SH3GL1: variants seen among roughly 807,000 people sequenced by gnomAD.
SH3GL1 encodes SH3 domain containing GRB2 like 1, endophilin A2.
In SH3GL1, 21 loss-of-function variants were observed where a neutral mutation model predicts 48.8. The observed-to-expected ratio is 0.43, with a 90% CI of 0.30 to 0.62. The LOEUF (loss-of-function observed/expected upper bound fraction) is 0.62. Among genes scored for constraint, SH3GL1 ranks in the 20% least tolerant of loss-of-function variants. The pLI is 0.11. For synonymous variants in SH3GL1, 282 were observed against 217.5 expected (o/e 1.30, Z -2.61); for missense variants, 454 against 503.0 (o/e 0.90, Z 0.93).
chr19:4,365,820 G>C (rs956223213), intron 3 of SH3GL1, among the ~76,000 whole-genome samples, 195 bp from the exon 4 acceptor site: 13 of 152,210 alleles, frequency 8.5e-5, no homozygotes, highest in Admixed American at 5.2e-4. Flanking sequence ...GCAGCGGGTG[G>C]AGAGGTGACC....
intron 1 of SH3GL1, among the ~76,000 whole-genome samples, chr19:4,392,970 A>G (rs543756206): frequency 4.6e-5 from 7 of 152,332 alleles, no homozygotes; most frequent in East Asian, 1.9e-4. Flanking sequence ...TTAAAAAATC[A>G]TAACAACCCG....
chr19:4,365,403 A>G, intron 4 of SH3GL1, 79 bp downstream of exon 4: 1 of 1,584,310 alleles, frequency 6.3e-7, no homozygotes. Flanking sequence ...CAGCACATGC[A>G]GGGCCTGGAC....
intron 1 of SH3GL1, among the ~76,000 whole-genome samples, chr19:4,377,235 C>G (rs1245843796): frequency 6.6e-6 from 1 of 152,088 alleles, no homozygotes; most frequent in African/African-American, 2.4e-5. Flanking sequence ...GGAACAGTGA[C>G]AGGTCTGAGG....
intron 1 of SH3GL1, among the ~76,000 whole-genome samples, chr19:4,368,715 C>T (rs1214714630): frequency 6.6e-6 from 1 of 152,208 alleles, no homozygotes; most frequent in East Asian, 1.9e-4. Context: ...ACCCCTGTCC[C>T]TTTCCTGCCT....
intron 9 of SH3GL1, 65 bp downstream of exon 9, chr19:4,362,264 G>A (rs970327400): frequency 1.3e-6 from 2 of 1,498,954 alleles, no homozygotes; most frequent in Non-Finnish European, 9.2e-7. Flanking sequence ...GGCGGGAGGA[G>A]AAACACCCTC....
intron 8 of SH3GL1, 43 bp downstream of exon 8, chr19:4,362,569 C>T (rs1376123100): frequency 1.2e-6 from 2 of 1,611,342 alleles, no homozygotes; most frequent in Admixed American, 1.7e-5. Context: ...CCACTCCCAC[C>T]CGCTGGCATT....
chr19:4,361,905 C>G, intron 9 of SH3GL1, 109 bp from the exon 10 acceptor site: 3 of 792,572 alleles, frequency 3.8e-6, no homozygotes, highest in African/African-American at 1.7e-5. Flanking sequence ...ATGGGCCTCC[C>G]CTCTGCCCTG....
chr19:4,381,465 T>C (rs541422880), intron 1 of SH3GL1, among the ~76,000 whole-genome samples: 48 of 99,242 alleles, frequency 4.8e-4, no homozygotes, highest in African/African-American at 1.8e-3. Flanking sequence ...CTGTCTCCCA[T>C]CTCTCTGTCC....
intron 1 of SH3GL1, among the ~76,000 whole-genome samples, chr19:4,398,831 C>T (rs1269495603): frequency 1.3e-5 from 2 of 152,160 alleles, no homozygotes; most frequent in South Asian, 2.1e-4. Context: ...TGCACTTAGG[C>T]TGGGATGCAG....
At chr19:4,385,574 A>T (rs1157873920) in intron 1 of SH3GL1, among the ~76,000 whole-genome samples, 1 of 152,078 alleles carries the variant, frequency 6.6e-6, no homozygotes, top group Non-Finnish European at 1.5e-5. Context: ...CCGGGCCCCA[A>T]AGACCCTCCC....
chr19:4,392,701 C>T (rs1401265914), intron 1 of SH3GL1, among the ~76,000 whole-genome samples: 1 of 152,130 alleles, frequency 6.6e-6, no homozygotes, highest in Admixed American at 6.5e-5. Context: ...AATCCCAGCA[C>T]AATGGGAGGC....
intron 6 of SH3GL1, 21 bp from the exon 7 acceptor site, chr19:4,363,494 A>G (rs1718904130): frequency 1.3e-6 from 2 of 1,598,212 alleles, no homozygotes; most frequent in Admixed American, 1.7e-5. Flanking sequence ...AGTAGGGCTC[A>G]GGGGCTCCTG....
chr19:4,388,148 C>T (rs553361958), intron 1 of SH3GL1, among the ~76,000 whole-genome samples: 14 of 152,108 alleles, frequency 9.2e-5, no homozygotes, highest in African/African-American at 1.2e-4. Context: ...TGTGAGCCAT[C>T]GTGTCCGGCC....
At chr19:4,363,913 C>G in intron 5 of SH3GL1, 35 bp from the exon 6 acceptor site, 1 of 1,611,334 alleles carries the variant, frequency 6.2e-7, no homozygotes, top group Non-Finnish European at 8.5e-7. Flanking sequence ...ACACCAGTAG[C>G]GGCCAGAGGG....
chr19:4,372,343 A>C (rs1486280881), intron 1 of SH3GL1, among the ~76,000 whole-genome samples: 1 of 152,164 alleles, frequency 6.6e-6, no homozygotes, highest in Non-Finnish European at 1.5e-5. Context: ...GACGTGGAGG[A>C]GGCGAGTGCT....
At chr19:4,396,003 C>G (rs373796481) in intron 1 of SH3GL1, 2 of 151,938 alleles carry the variant, frequency 1.3e-5, no homozygotes, top group African/African-American at 4.8e-5. Context: ...TCTAGCTCCC[C>G]CCTAAAAAAG....
Position 4,360,736 on chromosome 19 carries a change from G to A in SH3GL1, c.*864C>T, listed in dbSNP as rs922798230. Reference sequence around the variant, plus strand: ...CTGGCCACCAGGGGCTGGGACATGCGCTCACTGGAACCTTTGTGCTTGGCC... The same window carrying A: ...CTGGCCACCAGGGGCTGGGACATGCACTCACTGGAACCTTTGTGCTTGGCC... On this transcript the variant is annotated 3_prime_UTR_variant, in exon 10 of 10. Coordinates refer to ENST00000269886, the MANE Select transcript of SH3GL1 (RefSeq NM_003025.4). 7 of 233,450 alleles carry A rather than the reference G, an allele frequency of 3.0e-5. No homozygotes were observed. The highest frequency in any genetic ancestry group is 1.1e-4 in the African/African-American group (5 of 45,328). 14.5% of individuals were successfully genotyped at this position (233,450 alleles called of 1,614,324 possible).
chr19:4,396,697 G>C (rs966078529), intron 1 of SH3GL1, among the ~76,000 whole-genome samples: 2 of 151,912 alleles, frequency 1.3e-5, no homozygotes, highest in Non-Finnish European at 2.9e-5. Context: ...TCAAATTTTG[G>C]TACTATTGAC....
Position 4,362,351 on chromosome 19 carries a change from G to A in SH3GL1, c.888C>T (p.Ile296=), listed in dbSNP as rs765879947. 5.6e-6 allele frequency: 9 copies of A among 1,612,282 alleles called. No individual in the cohort carries two copies. In the African/African-American group the frequency reaches 9.3e-5, roughly 17 times the overall value. Reference sequence around the variant, plus strand: ...CACGCATGCTCCGGCTAGGGGTCCGGATGGGCTTGTCGGAAGATCGGAAAG... The same window carrying A: ...CACGCATGCTCCGGCTAGGGGTCCGAATGGGCTTGTCGGAAGATCGGAAAG... ...SSSFRSSDKP[I]RTPSRSMPPL... is the part of the protein sequence containing the mutation. The change falls in exon 9 of 10, where the codon ATC becomes ATT. Residue 296 remains isoleucine, a synonymous_variant. Transcript: ENST00000269886.
Sources: allele counts gnomAD v4.1 joint callset (sites outside exome capture counted in the v4.1 genomes callset), GRCh38; gene constraint gnomAD v4.1.1; transcripts MANE v1.5; gene names NCBI Gene and HGNC (gene_info 2026-07-23, HGNC 2026-07-21).